Variants in LTBP1 observed in about 807,000 individuals in gnomAD.
LTBP1 encodes the protein latent-transforming growth factor beta-binding protein 1.
LTBP1 carries 129 observed loss-of-function variants against 207.6 expected under a neutral mutation model. The ratio of observed to expected loss-of-function variants is 0.62; its 90% CI spans 0.54 to 0.72. LTBP1 has a LOEUF of 0.72. LTBP1 is among the 30% of genes least tolerant of loss of function. LTBP1 has a pLI of 0.00. For synonymous variants in LTBP1, 963 were observed against 833.7 expected (o/e 1.16, Z -2.67); for missense variants, 2,281 against 2,217.2 (o/e 1.03, Z -0.58).
chr2:33,076,165 A>C (rs1270231735), intron 3 of LTBP1, among the ~76,000 whole-genome samples: 1 of 152,222 alleles, frequency 6.6e-6, no homozygotes, highest in East Asian at 1.9e-4. Flanking sequence ...CACCAGGGAA[A>C]AATGTGACTT....
intron 9 of LTBP1, among the ~76,000 whole-genome samples, chr2:33,223,623 G>A (rs1488293755): frequency 6.6e-6 from 1 of 152,154 alleles, no homozygotes; most frequent in Non-Finnish European, 1.5e-5. Flanking sequence ...CCAAGTTATT[G>A]TTTTATAGAT....
Position 33,398,381 on chromosome 2 carries a change from G to T in LTBP1, c.5002G>T (p.Glu1668Ter). The change falls in exon 34 of 34, where the codon GAG becomes TAG. Residue 1668 changes from glutamate (E) to a stop codon, truncating the protein, a stop_gained. Transcript: ENST00000404816. LOFTEE classifies it high-confidence loss of function. ...TATTGCAGATGTAAATGAATGCGAT[G>T]AGTTGAACAACCGGATGTCTCTCTG... ...MTCVDVNECD[E>*]LNNRMSLCKN... 1.2e-6 allele frequency: 2 copies of T among 1,613,896 alleles called. No homozygotes were observed. Among genetic ancestry groups the T allele is most frequent in the Non-Finnish European group, 1.7e-6 (2 of 1,179,868 alleles).
intron 24 of LTBP1, among the ~76,000 whole-genome samples, chr2:33,332,249 T>A (rs1573880101): frequency 6.6e-6 from 1 of 151,528 alleles, no homozygotes; most frequent in East Asian, 1.9e-4. Flanking sequence ...AAGAGTAACA[T>A]AAGCCAGGTG....
At chr2:33,344,961 G>A (rs2094682486) in intron 25 of LTBP1, among the ~76,000 whole-genome samples, 1 of 152,154 alleles carries the variant, frequency 6.6e-6, no homozygotes, top group South Asian at 2.1e-4. Flanking sequence ...AACCCATGCT[G>A]ACATTTCAGC....
chr2:33,211,765 T>C (rs1174747120), intron 7 of LTBP1, among the ~76,000 whole-genome samples: 1 of 152,226 alleles, frequency 6.6e-6, no homozygotes, highest in Non-Finnish European at 1.5e-5. Context: ...TCACAATCTC[T>C]TCAAATCATC....
At chr2:33,389,376 T>C in intron 32 of LTBP1, 70 bp downstream of exon 32, 4 of 1,589,888 alleles carry the variant, frequency 2.5e-6, no homozygotes, top group Non-Finnish European at 3.4e-6. Context: ...CCTCAAAATG[T>C]AATGGCAACT....
chr2:33,255,880 A>T (rs1187298222), intron 11 of LTBP1, among the ~76,000 whole-genome samples: 1 of 152,188 alleles, frequency 6.6e-6, no homozygotes, highest in Admixed American at 6.5e-5. Flanking sequence ...TAAAAGTAGA[A>T]ATAAAAAAGT....
chr2:33,374,356 G>T (rs2095109638), intron 31 of LTBP1, among the ~76,000 whole-genome samples: 1 of 152,134 alleles, frequency 6.6e-6, no homozygotes, highest in African/African-American at 2.4e-5. Context: ...TTTATCCAAA[G>T]TTGAGACCTC....
At chr2:33,268,785 A>T (rs1333001748) in intron 15 of LTBP1, among the ~76,000 whole-genome samples, 3 of 152,128 alleles carry the variant, frequency 2.0e-5, no homozygotes, top group Non-Finnish European at 4.4e-5. Flanking sequence ...ATTTTTGTAA[A>T]CCTTTCCATG....
chr2:33,275,798 T>C lies in LTBP1; in HGVS notation c.2870-3T>C, dbSNP rs1186832742. 1 of 1,614,030 alleles carries C rather than the reference T, an allele frequency of 6.2e-7. No homozygotes were observed. Among genetic ancestry groups the C allele is most frequent in the Non-Finnish European group, 8.5e-7 (1 of 1,179,962 alleles). ...ACTCAACAATGCTATCTGCTCTTCG[T>C]AGATGTTGACGAATGCCTGAGGCCG... On this transcript the variant is annotated splice_region_variant and splice_polypyrimidine_tract_variant and intron_variant, in intron 17 of 33. Transcript: ENST00000404816.
intron 26 of LTBP1, among the ~76,000 whole-genome samples, chr2:33,349,642 A>G (rs2094752812): frequency 6.6e-6 from 1 of 152,134 alleles, no homozygotes; most frequent in Admixed American, 6.5e-5. Context: ...AAATCCCTCT[A>G]AATTTTTACA....
chr2:33,023,862 C>T (rs895541736), intron 3 of LTBP1, among the ~76,000 whole-genome samples: 10 of 152,104 alleles, frequency 6.6e-5, no homozygotes, highest in African/African-American at 2.4e-4. Context: ...TGTGATAGGC[C>T]CACTTTGGCT....
chr2:33,131,927 C>T (rs1006187192), intron 4 of LTBP1, among the ~76,000 whole-genome samples: 1 of 152,050 alleles, frequency 6.6e-6, no homozygotes, highest in African/African-American at 2.4e-5. Flanking sequence ...ACTACTGTAG[C>T]TGGGAGGTGA....
intron 2 of LTBP1, among the ~76,000 whole-genome samples, chr2:32,964,112 A>T (rs1235903467): frequency 6.6e-6 from 1 of 152,170 alleles, no homozygotes; most frequent in Non-Finnish European, 1.5e-5. Flanking sequence ...TGCAGAGGAG[A>T]CAGGGCTGTG....
In LTBP1 at chr2:32,954,601, A is replaced by G. The variant is rs185899876; in HGVS notation, c.565+5656A>G. Among the ~76,000 whole-genome samples the G allele has an allele frequency of 1.3e-3, 174 of 137,796 alleles. 1 individual carries two copies. The highest frequency in any genetic ancestry group is 4.3e-3 in the African/African-American group (157 of 36,888). 90.4% of individuals were successfully genotyped at this position (137,796 alleles called of 152,430 possible). A position where few individuals can be genotyped will look rare whatever the true frequency, so the allele number is the denominator to read the frequency against. On this transcript the variant is annotated intron_variant, in intron 2 of 33. Coordinates refer to ENST00000404816, the MANE Select transcript of LTBP1 (RefSeq NM_206943.4). ...CCTTGATTACCTCTGTAAAGAACCT[A>G]TCTCCAACAGTGGTCACATTCTGAG...
At chr2:32,954,981 G>C (rs1159850336) in intron 2 of LTBP1, among the ~76,000 whole-genome samples, 1 of 152,208 alleles carries the variant, frequency 6.6e-6, no homozygotes, top group Non-Finnish European at 1.5e-5. Flanking sequence ...GAGATTCTAG[G>C]TTGGTGTTTC....
chr2:32,960,326 C>G lies in LTBP1; in HGVS notation c.565+11381C>G, dbSNP rs138655998. On this transcript the variant is annotated intron_variant, in intron 2 of 33. Transcript: ENST00000404816. ...TCTGGCATTGCTGCTTGAATGTGAGCTCTATGAGGGTAGGGATTATACTAT... is the reference window on the plus strand; with the variant it reads ...TCTGGCATTGCTGCTTGAATGTGAGGTCTATGAGGGTAGGGATTATACTAT... Among the ~76,000 whole-genome samples the G allele has an allele frequency of 2.9e-3, 440 of 152,192 alleles. 1 individual carries two copies. Among genetic ancestry groups the G allele is most frequent in the African/African-American group, 0.01 (420 of 41,528 alleles).
At chr2:33,239,547 C>G (rs2092214693) in intron 9 of LTBP1, among the ~76,000 whole-genome samples, 1 of 152,042 alleles carries the variant, frequency 6.6e-6, no homozygotes, top group Non-Finnish European at 1.5e-5. Flanking sequence ...TATTAAAATA[C>G]TTTTGATTTA....
intron 19 of LTBP1, among the ~76,000 whole-genome samples, chr2:33,289,435 C>G (rs1454059261): frequency 6.6e-6 from 1 of 152,140 alleles, no homozygotes; most frequent in Admixed American, 6.5e-5. Flanking sequence ...TCACAGCTCA[C>G]TGCAGTCTCT....
Sources: allele counts gnomAD v4.1 joint callset (sites outside exome capture counted in the v4.1 genomes callset), GRCh38; gene constraint gnomAD v4.1.1; transcripts MANE v1.5; gene names NCBI Gene and HGNC (gene_info 2026-07-23, HGNC 2026-07-21).